RHBDD1: variants seen among roughly 807,000 people sequenced by gnomAD.
The protein encoded by RHBDD1 is rhomboid-related protein 4.
RHBDD1 carries 38 observed loss-of-function variants against 36.3 expected under a neutral mutation model. That is an observed-to-expected ratio of 1.05 (90% CI 0.81 to 1.37). RHBDD1 has a LOEUF of 1.37. RHBDD1 is among the 40% of genes most tolerant of loss of function. The probability of loss-of-function intolerance (pLI) is 0.00; values close to 1 mark genes in which losing one functional copy is unlikely to be tolerated. For synonymous variants in RHBDD1, 151 were observed against 136.5 expected (o/e 1.11, Z -0.74); for missense variants, 393 against 377.6 (o/e 1.04, Z -0.34).
intron 8 of RHBDD1, among the ~76,000 whole-genome samples, chr2:226,976,294 C>G (rs1199108976): frequency 1.4e-5 from 2 of 147,454 alleles, no homozygotes; most frequent in Non-Finnish European, 3.0e-5. Context: ...TATGCCCACC[C>G]CCCTGGAGAC....
intron 5 of RHBDD1, among the ~76,000 whole-genome samples, chr2:226,889,390 G>A (rs1028458597): frequency 2.0e-5 from 3 of 152,160 alleles, no homozygotes; most frequent in Admixed American, 6.5e-5. Flanking sequence ...CACGTTAGTT[G>A]CGATTGAGTT....
chr2:226,941,129 T>G (rs893165386), intron 8 of RHBDD1, among the ~76,000 whole-genome samples: 1 of 151,872 alleles, frequency 6.6e-6, no homozygotes, highest in African/African-American at 2.4e-5. Flanking sequence ...TTTGTTGTTG[T>G]TTGTTTGTTT....
Position 226,998,455 on chromosome 2 carries a change from G to GTCT in RHBDD1, c.*2935_*2937dup, listed in dbSNP as rs1253073029. 2 of 152,158 alleles carry GTCT rather than the reference G, an allele frequency of 1.3e-5. No homozygotes were observed. Among genetic ancestry groups the GTCT allele is most frequent in the African/African-American group, 4.8e-5 (2 of 41,422 alleles). 9.4% of individuals were successfully genotyped at this position (152,158 alleles called of 1,614,324 possible). ...GGCAGACCTGGCCTCCTTGTTCCCA[G>GTCT]TCTTAGTTTTTCTTGAGAGATTCAG... On this transcript the variant is annotated 3_prime_UTR_variant, in exon 9 of 9. Transcript: ENST00000392062.
chr2:226,840,815 T>C (rs1941530116), intron 3 of RHBDD1, among the ~76,000 whole-genome samples: 2 of 152,148 alleles, frequency 1.3e-5, no homozygotes, highest in South Asian at 4.2e-4. Context: ...TTCAGTTTTA[T>C]AAATAATATA....
chr2:226,828,963 T>C, the RHBDD1 span, among the ~76,000 whole-genome samples: 1 of 152,216 alleles, frequency 6.6e-6, no homozygotes, highest in Non-Finnish European at 1.5e-5. Flanking sequence ...TAGAAGTCTT[T>C]GCCTAATCTA....
chr2:226,848,281 A>G (rs953260014), intron 3 of RHBDD1, among the ~76,000 whole-genome samples: 3 of 152,234 alleles, frequency 2.0e-5, no homozygotes, highest in African/African-American at 7.2e-5. Flanking sequence ...TAAGTTTTAC[A>G]TAGTGAGATT....
rs939793796 is a variant in RHBDD1, at chr2:226,995,752, C to T, written c.*230C>T. On this transcript the variant is annotated 3_prime_UTR_variant, in exon 9 of 9. Transcript: ENST00000392062. ...GTTCTTGCTCATAAACAGGTCACTT[C>T]CTCCATGAAGAGACCAGTTTCCACG... 7.2e-6 allele frequency: 4 copies of T among 553,350 alleles called. No homozygotes were observed. The highest frequency in any genetic ancestry group is 5.7e-5 in the African/African-American group (3 of 52,628). The allele number at this position is 553,350 out of a possible 1,614,324, so 34.3% of individuals were successfully genotyped here.
At chr2:226,829,720 T>C in the RHBDD1 span, among the ~76,000 whole-genome samples, 2 of 152,292 alleles carry the variant, frequency 1.3e-5, no homozygotes, top group East Asian at 3.9e-4. Flanking sequence ...GCTAAACTTA[T>C]TAATTTTAGT....
intron 7 of RHBDD1, among the ~76,000 whole-genome samples, chr2:226,911,425 C>T (rs1044627750): frequency 1.3e-5 from 2 of 151,984 alleles, no homozygotes; most frequent in African/African-American, 4.8e-5. Context: ...CCATGCTATT[C>T]AGTGACGTCT....
intron 3 of RHBDD1, among the ~76,000 whole-genome samples, chr2:226,845,897 A>G (rs1314855660): frequency 6.6e-6 from 1 of 152,240 alleles, no homozygotes; most frequent in Non-Finnish European, 1.5e-5. Context: ...GTCTTTTGTT[A>G]TTAGCCAGGT....
chr2:226,869,399 A>G (rs1944603204), intron 5 of RHBDD1, among the ~76,000 whole-genome samples: 1 of 152,214 alleles, frequency 6.6e-6, no homozygotes, highest in African/African-American at 2.4e-5. Context: ...TGCTTCTTTG[A>G]GATGGATCTC....
At chr2:226,851,382 G>A (rs1942796055) in intron 3 of RHBDD1, among the ~76,000 whole-genome samples, 1 of 151,928 alleles carries the variant, frequency 6.6e-6, no homozygotes, top group South Asian at 2.1e-4. Flanking sequence ...GTGCAGCAGA[G>A]CAACTTGATG....
chr2:226,953,874 G>A (rs1165863059), intron 8 of RHBDD1, among the ~76,000 whole-genome samples: 1 of 152,150 alleles, frequency 6.6e-6, no homozygotes, highest in Admixed American at 6.5e-5. Flanking sequence ...ACAGGTGTTG[G>A]AAGACTGCAG....
At chr2:226,848,119 G>A (rs1942415720) in intron 3 of RHBDD1, among the ~76,000 whole-genome samples, 1 of 152,012 alleles carries the variant, frequency 6.6e-6, no homozygotes, top group African/African-American at 2.4e-5. Context: ...TTTTTAAAAC[G>A]GATTTTTTTT....
chr2:226,810,540 CAAAAAA>C, the RHBDD1 span, among the ~76,000 whole-genome samples: 25 of 33,880 alleles, frequency 7.4e-4, no homozygotes, highest in Admixed American at 5.4e-3. Flanking sequence ...GACTCCGTCT[CAAAAAA>C]AAAAAAAAAA....
intron 5 of RHBDD1, among the ~76,000 whole-genome samples, chr2:226,891,675 G>C (rs2125500544): frequency 6.6e-6 from 1 of 152,248 alleles, no homozygotes; most frequent in East Asian, 1.9e-4. Flanking sequence ...TGTCTCCCTG[G>C]CATTTGTATA....
intron 5 of RHBDD1, among the ~76,000 whole-genome samples, chr2:226,874,253 T>C (rs1454912566): frequency 6.6e-6 from 1 of 152,174 alleles, no homozygotes; most frequent in Admixed American, 6.5e-5. Context: ...ACAGTGCCAT[T>C]ACCTAGGAGG....
intron 8 of RHBDD1, among the ~76,000 whole-genome samples, chr2:226,920,479 A>G (rs1043710783): frequency 1.3e-5 from 2 of 152,152 alleles, no homozygotes; most frequent in African/African-American, 4.8e-5. Context: ...CTTAGAGGAA[A>G]GGCTTTCTGT....
At chr2:226,879,072 C>CAAA (rs916415771) in intron 5 of RHBDD1, among the ~76,000 whole-genome samples, 8 of 84,080 alleles carry the variant, frequency 9.5e-5, no homozygotes, top group East Asian at 3.9e-4. Flanking sequence ...ACTGGCATTC[C>CAAA]AAAAAAAAAA....
Sources: gnomAD v4.1 joint callset for allele counts (sites outside exome capture counted in the v4.1 genomes callset) on GRCh38, gnomAD v4.1.1 for gene constraint, MANE v1.5 for transcripts, NCBI Gene and HGNC (gene_info 2026-07-23, HGNC 2026-07-21) for gene names.